Variants in CCDC171 observed in about 807,000 individuals in gnomAD.
The protein encoded by CCDC171 is coiled-coil domain containing 171, also known as coiled-coil domain-containing protein 171.
In CCDC171, 177 loss-of-function variants were observed where a neutral mutation model predicts 168.2. The ratio of observed to expected loss-of-function variants is 1.05; its 90% confidence interval spans 0.93 to 1.19. The LOEUF is 1.19. CCDC171 is among the 50% of genes most tolerant of loss of function. The pLI is 0.00. For missense variants in CCDC171, 1,991 were observed against 1,539.0 expected (o/e 1.29, Z -4.91); for synonymous variants, 687 against 540.8 (o/e 1.27, Z -3.75).
chr9:16,036,086 C>T (rs895258516), intron 7 of CCDC171: 3 of 152,250 alleles, frequency 2.0e-5, no homozygotes, highest in African/African-American at 4.8e-5. Context: ...TTCTTCCCTT[C>T]CTCTAGGCCC....
intron 21 of CCDC171, among the ~76,000 whole-genome samples, chr9:15,835,332 G>C (rs2060396534): frequency 1.3e-5 from 2 of 152,138 alleles, no homozygotes; most frequent in South Asian, 2.1e-4. Flanking sequence ...TTGTTTACTA[G>C]AGCACATTAA....
At chr9:15,564,760 A>G (rs1291346286) in intron 2 of CCDC171, among the ~76,000 whole-genome samples, 1 of 152,258 alleles carries the variant, frequency 6.6e-6, no homozygotes, top group Non-Finnish European at 1.5e-5. Flanking sequence ...TTTACAAAGA[A>G]ATAAGTACTG....
chr9:15,599,694 C>T (rs1233857500), intron 6 of CCDC171, among the ~76,000 whole-genome samples: 2 of 152,106 alleles, frequency 1.3e-5, no homozygotes, highest in Non-Finnish European at 2.9e-5. Context: ...GAATGTTGGC[C>T]TGCCTTGCTA....
At chr9:15,684,411 A>G (rs2050241708) in intron 10 of CCDC171, among the ~76,000 whole-genome samples, 1 of 151,912 alleles carries the variant, frequency 6.6e-6, no homozygotes, top group Non-Finnish European at 1.5e-5. Flanking sequence ...ACCTTATTAA[A>G]ATTGGCCTTC....
chr9:15,764,539 G>C (rs941846461), intron 18 of CCDC171, among the ~76,000 whole-genome samples: 4 of 152,176 alleles, frequency 2.6e-5, no homozygotes, highest in East Asian at 1.9e-4. Context: ...CTTTTGTCTT[G>C]TGTAAATGGT....
At chr9:15,742,025 A>G (rs961577057) in intron 16 of CCDC171, among the ~76,000 whole-genome samples, 1 of 152,066 alleles carries the variant, frequency 6.6e-6, no homozygotes, top group Non-Finnish European at 1.5e-5. Context: ...ATTTTCACTT[A>G]TCTAAGTGTT....
Position 15,778,992 on chromosome 9 carries a change from C to T in CCDC171, c.2923C>T (p.Gln975Ter). 1.3e-6 allele frequency: 2 copies of T among 1,539,024 alleles called. No homozygotes were observed. Among genetic ancestry groups the T allele is most frequent in the Non-Finnish European group, 1.7e-6 (2 of 1,145,268 alleles). Residue 975 changes from glutamine (Q) to a stop codon, truncating the protein, a stop_gained, in exon 20 of 26, where the codon CAA becomes TAA. Transcript: ENST00000380701. LOFTEE classifies it high-confidence loss of function. ...GAAAAGCACAGCATCGTTGCAGAAG[C>T]AAATACTTGGATTTACACAAAGACT... is the stretch of plus-strand genomic sequence containing the variant. ...ITKSTASLQK[Q>*]ILGFTQRLHA... is the part of the protein sequence containing the mutation.
chr9:15,908,576 A>G (rs570451059), intron 24 of CCDC171, among the ~76,000 whole-genome samples: 1 of 152,350 alleles, frequency 6.6e-6, no homozygotes, highest in African/African-American at 2.4e-5. Context: ...TACTGGGTGC[A>G]GCACACCTAC....
intron 24 of CCDC171, among the ~76,000 whole-genome samples, chr9:15,879,117 A>G (rs910475181): frequency 6.6e-6 from 1 of 152,192 alleles, no homozygotes. Context: ...TAAACCTAAA[A>G]TAAAAGTTAA....
the CCDC171 span, among the ~76,000 whole-genome samples, chr9:16,070,268 A>T: frequency 1.3e-5 from 2 of 152,176 alleles, no homozygotes; most frequent in Non-Finnish European, 2.9e-5. Flanking sequence ...GGAATTCTGA[A>T]GTCCAGCCAA....
At chr9:16,062,945 T>C (rs1326774144), downstream of CCDC171, among the ~76,000 whole-genome samples, 1 of 152,188 alleles carries the variant, frequency 6.6e-6, no homozygotes, top group African/African-American at 2.4e-5. Flanking sequence ...ATTTTGGAAC[T>C]AAATAGTGAA....
At chr9:15,653,377 A>G (rs570509251) in intron 7 of CCDC171, among the ~76,000 whole-genome samples, 2 of 152,266 alleles carry the variant, frequency 1.3e-5, no homozygotes, top group Admixed American at 1.3e-4. Context: ...CCTGGGCTCA[A>G]GTGATCTCCC....
intron 9 of CCDC171, among the ~76,000 whole-genome samples, chr9:15,668,581 A>G (rs1173306549): frequency 6.6e-6 from 1 of 152,116 alleles, no homozygotes; most frequent in Non-Finnish European, 1.5e-5. Context: ...ATAAATAATG[A>G]CAAGTAATAA....
chr9:15,868,952 A>T (rs1443081508), intron 23 of CCDC171, among the ~76,000 whole-genome samples: 1 of 152,034 alleles, frequency 6.6e-6, no homozygotes, highest in Non-Finnish European at 1.5e-5. Flanking sequence ...ATTTGCATAT[A>T]ATCTATGCAC....
chr9:15,742,380 G>C (rs980079790), intron 16 of CCDC171, among the ~76,000 whole-genome samples: 1 of 152,140 alleles, frequency 6.6e-6, no homozygotes, highest in African/African-American at 2.4e-5. Flanking sequence ...CATTTCTTCA[G>C]GTATTCTGAA....
intron 9 of CCDC171, among the ~76,000 whole-genome samples, chr9:15,669,826 G>A (rs892246912): frequency 1.3e-5 from 2 of 151,494 alleles, no homozygotes; most frequent in African/African-American, 4.9e-5. Flanking sequence ...TCACCCAAAA[G>A]GATAAACATA....
chr9:15,783,576 G>A (rs929566495), intron 20 of CCDC171, among the ~76,000 whole-genome samples: 11 of 152,212 alleles, frequency 7.2e-5, no homozygotes, highest in African/African-American at 2.4e-4. Context: ...TATTTCTCAG[G>A]TTATCTACCT....
At chr9:15,693,242 C>T (rs1281494280) in intron 10 of CCDC171, among the ~76,000 whole-genome samples, 1 of 152,080 alleles carries the variant, frequency 6.6e-6, no homozygotes, top group African/African-American at 2.4e-5. Flanking sequence ...ACACTTCACA[C>T]ATATGGCAGT....
At chr9:15,821,908 G>A (rs1244914867) in intron 21 of CCDC171, among the ~76,000 whole-genome samples, 1 of 49,134 alleles carries the variant, frequency 2.0e-5, no homozygotes, top group African/African-American at 7.7e-5. Context: ...AAAGCTGGAG[G>A]CATCACGCTA....
Sources: gnomAD v4.1 joint callset for allele counts (sites outside exome capture counted in the v4.1 genomes callset) on GRCh38, gnomAD v4.1.1 for gene constraint, MANE v1.5 for transcripts, NCBI Gene and HGNC (gene_info 2026-07-23, HGNC 2026-07-21) for gene names.